DDAH1: variants seen among roughly 807,000 people sequenced by gnomAD.
DDAH1 encodes the protein N(G),N(G)-dimethylarginine dimethylaminohydrolase 1.
A neutral mutation model predicts 28.8 loss-of-function variants in DDAH1; 19 were observed. That is an observed-to-expected ratio of 0.66 (90% CI 0.46 to 0.97). The LOEUF (loss-of-function observed/expected upper bound fraction) is 0.97, where lower values mean the gene tolerates loss of function less well. DDAH1 is among the 50% of genes least tolerant of loss of function. The pLI is 0.00. For missense variants in DDAH1, 326 were observed against 375.9 expected, an observed-to-expected ratio of 0.87 and a Z score of 1.10; for synonymous variants, 153 against 154.4, an observed-to-expected ratio of 0.99 and a Z score of 0.07.
chr1:85,489,219 T>C (rs1656302257), intron 2 of DDAH1, among the ~76,000 whole-genome samples: 2 of 152,178 alleles, frequency 1.3e-5, no homozygotes, highest in Non-Finnish European at 1.5e-5. Context: ...AAAAACAGTA[T>C]GACCACAAAA....
chr1:85,448,126 TAGG>T (rs919454213), intron 1 of DDAH1: 2 of 152,402 alleles, frequency 1.3e-5, no homozygotes, highest in Non-Finnish European at 2.9e-5. Context: ...CTTAAAACAT[TAGG>T]AGATTTTTTT....
At chr1:85,501,974 T>C (rs1290499433) in intron 1 of DDAH1, among the ~76,000 whole-genome samples, 4 of 152,228 alleles carry the variant, frequency 2.6e-5, no homozygotes, top group Non-Finnish European at 4.4e-5. Flanking sequence ...CTCCTCTTTA[T>C]CCTTTAACCA....
chr1:85,364,450 C>T, intron 1 of DDAH1, among the ~76,000 whole-genome samples: 1 of 152,088 alleles, frequency 6.6e-6, no homozygotes, highest in East Asian at 1.9e-4. Flanking sequence ...ACCTGTTTCA[C>T]CAAGAAAAAC....
At chr1:85,340,753 C>A (rs574368679) in intron 4 of DDAH1, among the ~76,000 whole-genome samples, 66 of 152,076 alleles carry the variant, frequency 4.3e-4, no homozygotes, top group Non-Finnish European at 8.8e-4. Context: ...AGCTTCTACT[C>A]CTCTGCTAAA....
intron 1 of DDAH1, among the ~76,000 whole-genome samples, chr1:85,440,808 C>CA (rs532077059): frequency 2.2e-5 from 3 of 139,344 alleles, no homozygotes; most frequent in African/African-American, 7.7e-5. Flanking sequence ...GGGCAGGGCC[C>CA]AAAAAAAACT....
At chr1:85,437,217 C>T (rs1653980419) in intron 1 of DDAH1, among the ~76,000 whole-genome samples, 1 of 152,162 alleles carries the variant, frequency 6.6e-6, no homozygotes, top group Non-Finnish European at 1.5e-5. Flanking sequence ...CTGGAGAGAC[C>T]ACATGGCATG....
intron 1 of DDAH1, among the ~76,000 whole-genome samples, chr1:85,394,424 T>G (rs1403822389): frequency 6.6e-6 from 1 of 152,198 alleles, no homozygotes; most frequent in East Asian, 1.9e-4. Context: ...TCTAGAATAA[T>G]GAGCTAAATA....
intron 1 of DDAH1, among the ~76,000 whole-genome samples, chr1:85,432,195 G>A (rs1162746919): frequency 6.6e-6 from 1 of 152,138 alleles, no homozygotes; most frequent in Non-Finnish European, 1.5e-5. Context: ...ATGAAGAAAT[G>A]AATAAAGGCT....
chr1:85,543,098 T>C (rs1396352223), intron 1 of DDAH1, among the ~76,000 whole-genome samples: 1 of 152,162 alleles, frequency 6.6e-6, no homozygotes, highest in Non-Finnish European at 1.5e-5. Context: ...GATATTAACA[T>C]GCAGATGAAG....
intron 1 of DDAH1, among the ~76,000 whole-genome samples, chr1:85,438,388 T>G (rs1398404693): frequency 6.6e-6 from 1 of 152,194 alleles, no homozygotes; most frequent in South Asian, 2.1e-4. Context: ...ATTAAAATAA[T>G]TGGCTGAATT....
chr1:85,485,571 C>T (rs990750488), intron 2 of DDAH1, among the ~76,000 whole-genome samples: 6 of 152,058 alleles, frequency 3.9e-5, no homozygotes, highest in Non-Finnish European at 2.9e-5. Flanking sequence ...GTTGGATTTA[C>T]GTTTTGCCTT....
intron 1 of DDAH1, chr1:85,399,018 T>C (rs1417013254): frequency 6.6e-6 from 1 of 152,258 alleles, no homozygotes; most frequent in Non-Finnish European, 1.5e-5. Flanking sequence ...TGGAATGCTA[T>C]ATGATAGAAT....
chr1:85,546,137 A>T (rs11802408), intron 1 of DDAH1, among the ~76,000 whole-genome samples: 26 of 152,242 alleles, frequency 1.7e-4, no homozygotes, highest in African/African-American at 5.3e-4. Flanking sequence ...TCTCCAAAAA[A>T]AAAAAAACAT....
At chr1:85,386,998 A>G (rs1651300545) in intron 1 of DDAH1, among the ~76,000 whole-genome samples, 1 of 152,194 alleles carries the variant, frequency 6.6e-6, no homozygotes, top group Admixed American at 6.5e-5. Context: ...TAGTGTCCTG[A>G]GGTGGTATAG....
intron 1 of DDAH1, among the ~76,000 whole-genome samples, chr1:85,359,918 C>G (rs1649697302): frequency 6.6e-6 from 1 of 152,182 alleles, no homozygotes; most frequent in Admixed American, 6.5e-5. Flanking sequence ...CAATTTAATT[C>G]AAGTCCTTCC....
intron 1 of DDAH1, among the ~76,000 whole-genome samples, chr1:85,408,254 T>C (rs1261113680): frequency 2.0e-5 from 3 of 151,976 alleles, no homozygotes; most frequent in Non-Finnish European, 4.4e-5. Flanking sequence ...GCTTTACTTC[T>C]TCTTCCTCAT....
chr1:85,428,169 A>G (rs1207098759), intron 1 of DDAH1, among the ~76,000 whole-genome samples: 1 of 152,146 alleles, frequency 6.6e-6, no homozygotes, highest in African/African-American at 2.4e-5. Flanking sequence ...CAAGACTCAG[A>G]AGAAGGATAT....
chr1:85,348,911 C>G (rs1206372509), intron 4 of DDAH1, among the ~76,000 whole-genome samples: 1 of 152,142 alleles, frequency 6.6e-6, no homozygotes, highest in Non-Finnish European at 1.5e-5. Context: ...TCTAGTTGGT[C>G]CACCCAGAAG....
rs12029619 is a variant in DDAH1, at chr1:85,416,619, A to G, written c.303+48124T>C. Reference sequence around the variant, plus strand: ...TTCTGGAAAAGAAAGAATTTAGAATAGTGTGGTCAGACCTGGAGTGGATCA... The same window carrying G: ...TTCTGGAAAAGAAAGAATTTAGAATGGTGTGGTCAGACCTGGAGTGGATCA... On this transcript the variant is annotated intron_variant, in intron 1 of 5. Transcript: ENST00000284031. Among the ~76,000 whole-genome samples the G allele has an allele frequency of 2.0e-5, 3 of 152,322 alleles. No individual in the cohort carries two copies. The East Asian group carries it at 5.8e-4, about 29-fold the overall frequency.
Sources: allele counts gnomAD v4.1 joint callset (sites outside exome capture counted in the v4.1 genomes callset), GRCh38; gene constraint gnomAD v4.1.1; transcripts MANE v1.5; gene names NCBI Gene and HGNC (gene_info 2026-07-23, HGNC 2026-07-21).